MORC3: variants seen among roughly 807,000 people sequenced by gnomAD.
MORC3 encodes MORC family CW-type zinc finger protein 3.
A neutral mutation model predicts 109.1 loss-of-function variants in MORC3; 31 were observed. The ratio of observed to expected loss-of-function variants is 0.28; its 90% CI spans 0.21 to 0.38. The LOEUF (loss-of-function observed/expected upper bound fraction) is 0.38, where lower values mean the gene tolerates loss of function less well. Ranked by LOEUF, MORC3 falls within the 10% of genes least tolerant of loss-of-function variation. The probability of loss-of-function intolerance (pLI) is 1.00; values close to 1 mark genes in which losing one functional copy is unlikely to be tolerated. For missense variants in MORC3, 867 were observed against 1,135.8 expected (o/e 0.76, Z 3.40); for synonymous variants, 395 against 380.7 (o/e 1.04, Z -0.44).
intron 10 of MORC3, among the ~76,000 whole-genome samples, chr21:36,358,471 A>G (rs1003389274): frequency 1.3e-5 from 2 of 151,770 alleles, no homozygotes; most frequent in Non-Finnish European, 2.9e-5. Flanking sequence ...ATAAGTCTAC[A>G]TAGGCTGTAT....
At chr21:36,357,795 C>CAGTG (rs2085662407) in intron 10 of MORC3, among the ~76,000 whole-genome samples, 1 of 145,744 alleles carries the variant, frequency 6.9e-6, no homozygotes, top group Admixed American at 7.0e-5. Flanking sequence ...GGCTGAAGTG[C>CAGTG]AGTGGCGCAA....
chr21:36,342,291 C>G (rs982238746), intron 6 of MORC3, among the ~76,000 whole-genome samples: 6 of 152,134 alleles, frequency 3.9e-5, no homozygotes, highest in Non-Finnish European at 8.8e-5. Flanking sequence ...CCTTAATTGT[C>G]CTCCTAAAGC....
Position 36,369,423 on chromosome 21 carries a change from C to G in MORC3, c.2055C>G (p.Thr685=), listed in dbSNP as rs769352363. Residue 685 remains threonine, a synonymous_variant, in exon 15 of 17, where the codon ACC becomes ACG. Transcript: ENST00000400485. ...EAKIHETQET[T]DKSADDAGCQ... ...AGATACATGAAACCCAGGAAACCACCGATAAATCTGCAGATGATGCAGGCT... is the reference window on the plus strand; with the variant it reads ...AGATACATGAAACCCAGGAAACCACGGATAAATCTGCAGATGATGCAGGCT... 21 of 1,614,122 alleles carry G rather than the reference C, an allele frequency of 1.3e-5. No homozygotes were observed. The highest frequency in any genetic ancestry group is 2.2e-5 in the East Asian group (1 of 44,880).
chr21:36,337,086 T>C, intron 3 of MORC3, 80 bp downstream of exon 3: 1 of 1,498,242 alleles, frequency 6.7e-7, no homozygotes, highest in African/African-American at 1.4e-5. Context: ...CTATTCTTGG[T>C]TTTTGTTTTT....
chr21:36,331,567 A>C (rs1005743313), intron 1 of MORC3, among the ~76,000 whole-genome samples: 2 of 151,904 alleles, frequency 1.3e-5, no homozygotes, highest in African/African-American at 4.8e-5. Context: ...GCGCCACTGC[A>C]CTCCAGCCTG....
chr21:36,325,839 G>C (rs2085242135), intron 1 of MORC3, among the ~76,000 whole-genome samples: 1 of 152,186 alleles, frequency 6.6e-6, no homozygotes, highest in African/African-American at 2.4e-5. Context: ...CCACACTGTG[G>C]ATATATGATG....
At chr21:36,333,522 G>A in intron 1 of MORC3, 124 bp from the exon 2 acceptor site, 1 of 726,840 alleles carries the variant, frequency 1.4e-6, no homozygotes, top group Non-Finnish European at 2.4e-6. Context: ...GATGTATCCT[G>A]GAGCAAGCAG....
chr21:36,323,864 T>C (rs2085218912), intron 1 of MORC3, among the ~76,000 whole-genome samples: 1 of 152,018 alleles, frequency 6.6e-6, no homozygotes, highest in Non-Finnish European at 1.5e-5. Flanking sequence ...TCTCCTACCT[T>C]GCTCTTACCA....
intron 6 of MORC3, 126 bp downstream of exon 6, chr21:36,341,672 A>T: frequency 7.5e-7 from 1 of 1,341,412 alleles, no homozygotes; most frequent in Non-Finnish European, 1.0e-6. Context: ...TATCTCAGAC[A>T]TGATTTTCCC....
At chr21:36,365,844 A>G (rs2085775055) in intron 14 of MORC3, among the ~76,000 whole-genome samples, 1 of 152,062 alleles carries the variant, frequency 6.6e-6, no homozygotes, top group African/African-American at 2.4e-5. Context: ...GGCCTCCCAA[A>G]GTAATGGGAT....
chr21:36,353,816 T>A (rs1454501675), intron 9 of MORC3, among the ~76,000 whole-genome samples: 3 of 132,378 alleles, frequency 2.3e-5, no homozygotes, highest in South Asian at 5.5e-4. Flanking sequence ...CAGGGTGGTC[T>A]CTAACTCCTG....
chr21:36,340,277 C>CCA (rs1378074378), intron 5 of MORC3, among the ~76,000 whole-genome samples: 1 of 90,180 alleles, frequency 1.1e-5, no homozygotes, highest in Non-Finnish European at 2.6e-5. Flanking sequence ...GACTCTGTCT[C>CCA]AAAAAAAAAA....
At chr21:36,372,919 A>G (rs986439680) in intron 16 of MORC3, among the ~76,000 whole-genome samples, 2 of 152,192 alleles carry the variant, frequency 1.3e-5, no homozygotes, top group African/African-American at 2.4e-5. Flanking sequence ...TTATTGTCGT[A>G]CTTGGTACCA....
intron 2 of MORC3, among the ~76,000 whole-genome samples, chr21:36,334,780 C>A (rs80024718): frequency 6.6e-6 from 1 of 152,120 alleles, no homozygotes; most frequent in African/African-American, 2.4e-5. Flanking sequence ...CGTGAGAAAG[C>A]GGCAAGGTTG....
chr21:36,336,114 ACAG>A (rs2085372901), intron 2 of MORC3, among the ~76,000 whole-genome samples: 1 of 146,526 alleles, frequency 6.8e-6, no homozygotes, highest in Non-Finnish European at 1.5e-5. Context: ...TTTTTTTAAT[ACAG>A]ATGGGATTTC....
rs2085930520 is a variant in MORC3 at position 36,376,463 on chromosome 21, A to G, written c.*1167A>G. The G allele has an allele frequency of 1.3e-5, 2 of 152,204 alleles. No homozygotes were observed. Among genetic ancestry groups the G allele is most frequent in the Non-Finnish European group, 2.9e-5 (2 of 68,026 alleles). 9.4% of individuals were successfully genotyped at this position (152,204 alleles called of 1,614,324 possible). On this transcript the variant is annotated 3_prime_UTR_variant, in exon 17 of 17. Transcript: ENST00000400485. ...ACGTGTCGGTCATATACAGTATTGA[A>G]TTTTTACTGTATAGTAATTCTGGAA...
chr21:36,344,243 A>G (rs2085483577), intron 6 of MORC3, among the ~76,000 whole-genome samples: 3 of 152,066 alleles, frequency 2.0e-5, no homozygotes, highest in Admixed American at 2.0e-4. Flanking sequence ...AAATCAGAAA[A>G]TGTACCTTTT....
chr21:36,375,413 T>A lies in MORC3; in HGVS notation c.*117T>A. ...GCAACAGACTGAAAACCATAATCTTTACTGTATTCTATGCATTCAAATGTG... is the reference window on the plus strand; with the variant it reads ...GCAACAGACTGAAAACCATAATCTTAACTGTATTCTATGCATTCAAATGTG... On this transcript the variant is annotated 3_prime_UTR_variant, in exon 17 of 17. Transcript: ENST00000400485. The A allele has an allele frequency of 1.1e-6, 1 of 911,886 alleles. No homozygotes were observed. The highest frequency in any genetic ancestry group is 1.8e-5 in the South Asian group (1 of 55,326). 56.5% of individuals were successfully genotyped at this position (911,886 alleles called of 1,614,324 possible).
intron 1 of MORC3, chr21:36,333,270 A>G: frequency 5.3e-6 from 1 of 188,000 alleles, no homozygotes; most frequent in Non-Finnish European, 1.1e-5. Context: ...CCTCCTTGAC[A>G]AAGTCTTAGT....
Sources: allele counts gnomAD v4.1 joint callset (sites outside exome capture counted in the v4.1 genomes callset), GRCh38; gene constraint gnomAD v4.1.1; transcripts MANE v1.5; gene names NCBI Gene and HGNC (gene_info 2026-07-23, HGNC 2026-07-21).